Variants in PARM1 observed in about 807,000 individuals in gnomAD.
PARM1 encodes the protein WSC4, cell wall integrity and stress response component 4 homolog.
PARM1 carries 14 observed loss-of-function variants against 24.6 expected under a neutral mutation model. The observed-to-expected ratio is 0.57, with a 90% CI of 0.38 to 0.89. PARM1 has a LOEUF of 0.89. Among genes scored for constraint, PARM1 ranks in the 40% least tolerant of loss-of-function variants. The pLI is 0.00. For synonymous variants in PARM1, 179 were observed against 156.6 expected (o/e 1.14, Z -1.07); for missense variants, 362 against 380.4 (o/e 0.95, Z 0.40).
intron 2 of PARM1, among the ~76,000 whole-genome samples, chr4:75,014,530 AG>A: frequency 6.6e-6 from 1 of 152,278 alleles, no homozygotes; most frequent in South Asian, 2.1e-4. Context: ...CCATGCCATC[AG>A]GAGCAGTGAC....
chr4:74,962,369 A>C (rs1315073776), intron 1 of PARM1, among the ~76,000 whole-genome samples: 3 of 152,224 alleles, frequency 2.0e-5, no homozygotes, highest in Admixed American at 2.0e-4. Flanking sequence ...CTAAACAGGA[A>C]GACAGCAATG....
chr4:74,979,577 T>C (rs1442473773), intron 1 of PARM1, among the ~76,000 whole-genome samples: 1 of 152,020 alleles, frequency 6.6e-6, no homozygotes. Flanking sequence ...TACCAAAAAA[T>C]TGAAAAGGAG....
intron 2 of PARM1, among the ~76,000 whole-genome samples, chr4:75,018,537 A>T (rs990577797): frequency 2.0e-5 from 3 of 152,200 alleles, no homozygotes; most frequent in Non-Finnish European, 4.4e-5. Flanking sequence ...ACTCTAACTT[A>T]AAAGGCTCTT....
rs182650984 is a variant in PARM1, at chr4:74,986,950, C to T, written c.44-25475C>T. Among the ~76,000 whole-genome samples the T allele has an allele frequency of 3.4e-3, 518 of 152,118 alleles. 6 individuals carry two copies. Among genetic ancestry groups the T allele is most frequent in the African/African-American group, 0.012 (480 of 41,498 alleles). The stretch of plus-strand genomic sequence containing the variant: ...AGGTCAGACAACTAGATTCACACCC[C>T]GGCTGTGCACTTTCATTAATCTCTC... On this transcript the variant is annotated intron_variant, in intron 1 of 3. Transcript: ENST00000307428.
Position 74,975,690 on chromosome 4 carries a change from A to G in PARM1, c.44-36735A>G, listed in dbSNP as rs995068997. On this transcript the variant is annotated intron_variant, in intron 1 of 3. Transcript: ENST00000307428. ...AGTTCAACAACTTCTGTGTAATTAT[A>G]TAATCAACCTCACAATGGCTTGAGT... is the stretch of plus-strand genomic sequence containing the variant. 3.3e-5 allele frequency among the ~76,000 whole-genome samples: 5 copies of G among 152,234 alleles called. No homozygotes were observed. In the East Asian group the frequency reaches 9.6e-4, roughly 29 times the overall value.
chr4:75,038,113 C>T (rs1295515712), intron 3 of PARM1, among the ~76,000 whole-genome samples: 1 of 152,146 alleles, frequency 6.6e-6, no homozygotes, highest in South Asian at 2.1e-4. Flanking sequence ...GACGGGGTTT[C>T]ACCATGTTGA....
At position 75,046,786 on chromosome 4, in the gene PARM1, C is replaced by G. The variant is rs1238829866; in HGVS notation, c.*539C>G. On this transcript the variant is annotated 3_prime_UTR_variant, in exon 4 of 4. Transcript: ENST00000307428. The stretch of plus-strand genomic sequence containing the variant: ...ACAGGATGCTGCCTGCTTGGCTCTA[C>G]AAGCTGGAAAGCAGCTTCTTAGCTG... 1 of 152,450 alleles carries G rather than the reference C, an allele frequency of 6.6e-6. No individual in the cohort carries two copies. Among genetic ancestry groups the G allele is most frequent in the Non-Finnish European group, 1.5e-5 (1 of 68,236 alleles). 9.4% of individuals were successfully genotyped at this position (152,450 alleles called of 1,614,324 possible).
chr4:74,981,879 CA>C (rs1159910773), intron 1 of PARM1, among the ~76,000 whole-genome samples: 185 of 55,652 alleles, frequency 3.3e-3, no homozygotes, highest in South Asian at 5.5e-3. Context: ...ACTCAATCTC[CA>C]AAAAAAAAAA....
chr4:74,935,142 A>G (rs1338235089), intron 1 of PARM1, among the ~76,000 whole-genome samples: 2 of 151,990 alleles, frequency 1.3e-5, no homozygotes, highest in South Asian at 2.1e-4. Flanking sequence ...CCCACGCACT[A>G]ATTAGGATCA....
Position 75,004,902 on chromosome 4 carries a change from A to G in PARM1, c.44-7523A>G, listed in dbSNP as rs559459520. Among the ~76,000 whole-genome samples, 3 of 152,336 alleles carry G rather than the reference A, an allele frequency of 2.0e-5. No homozygotes were observed. In the South Asian group the frequency reaches 6.2e-4, roughly 32 times the overall value. ...TAAAAAGCTGGTGGTTAAAAGTTAA[A>G]CAGTGTTGCATTCAAGCTTCAGCTG... On this transcript the variant is annotated intron_variant, in intron 1 of 3. Transcript: ENST00000307428.
At chr4:74,965,330 A>G (rs1721875406) in intron 1 of PARM1, 1 of 152,212 alleles carries the variant, frequency 6.6e-6, no homozygotes, top group Non-Finnish European at 1.5e-5. Flanking sequence ...TGGCATGCAG[A>G]TGCATAGCAA....
At chr4:75,010,508 T>C (rs1282453108) in intron 1 of PARM1, among the ~76,000 whole-genome samples, 1 of 152,220 alleles carries the variant, frequency 6.6e-6, no homozygotes, top group Non-Finnish European at 1.5e-5. Context: ...TAGTAAAGTG[T>C]TAGCATACTT....
chr4:74,957,484 C>T (rs1578027456), intron 1 of PARM1: 1 of 152,280 alleles, frequency 6.6e-6, no homozygotes, highest in East Asian at 1.9e-4. Context: ...ACACTTTGTT[C>T]TGGTAATAGC....
At chr4:75,017,432 A>G (rs964968664) in intron 2 of PARM1, among the ~76,000 whole-genome samples, 2 of 151,976 alleles carry the variant, frequency 1.3e-5, no homozygotes, top group African/African-American at 4.8e-5. Context: ...TGCAGTTACC[A>G]TCCCCCCTAT....
chr4:75,016,924 C>T (rs6824037), intron 2 of PARM1, among the ~76,000 whole-genome samples: 14,339 of 152,120 alleles, frequency 0.094, 821 homozygotes, highest in African/African-American at 0.16. Flanking sequence ...TTCATCATCT[C>T]CACTGGGTGG....
intron 2 of PARM1, among the ~76,000 whole-genome samples, chr4:75,017,712 C>T (rs957106775): frequency 2.0e-5 from 3 of 152,148 alleles, no homozygotes; most frequent in African/African-American, 4.8e-5. Flanking sequence ...AAGCAAGGAC[C>T]TTGTTTGCAA....
intron 1 of PARM1, among the ~76,000 whole-genome samples, chr4:74,985,301 C>G (rs937370799): frequency 1.3e-5 from 2 of 152,168 alleles, no homozygotes; most frequent in Admixed American, 1.3e-4. Context: ...GTCTGTGTCA[C>G]CATGACCTAC....
intron 1 of PARM1, among the ~76,000 whole-genome samples, chr4:74,974,215 C>G (rs915504375): frequency 2.0e-5 from 3 of 152,226 alleles, no homozygotes; most frequent in Non-Finnish European, 4.4e-5. Context: ...GGGCAAACTA[C>G]TTTACTGAGT....
chr4:75,037,619 A>G (rs914429347), intron 3 of PARM1, among the ~76,000 whole-genome samples: 8 of 152,142 alleles, frequency 5.3e-5, no homozygotes, highest in Non-Finnish European at 1.2e-4. Context: ...TGTGACTTAT[A>G]AAATGAACTG....
Sources: allele counts gnomAD v4.1 joint callset (sites outside exome capture counted in the v4.1 genomes callset), GRCh38; gene constraint gnomAD v4.1.1; transcripts MANE v1.5; gene names NCBI Gene and HGNC (gene_info 2026-07-23, HGNC 2026-07-21).